Variants in RAPGEF4 observed in about 807,000 individuals in gnomAD.
RAPGEF4 encodes the protein Rap guanine nucleotide exchange factor 4.
In RAPGEF4, 66 loss-of-function variants were observed where a neutral mutation model predicts 147.9. That is an observed-to-expected ratio of 0.45 (90% CI 0.37 to 0.55). RAPGEF4 has a LOEUF of 0.55. RAPGEF4 is among the 20% of genes least tolerant of loss of function. The pLI is 0.00. For missense variants in RAPGEF4, 1,071 were observed against 1,257.3 expected (o/e 0.85, Z 2.24); for synonymous variants, 419 against 442.7 (o/e 0.95, Z 0.67).
At chr2:172,947,019 G>A (rs1165011229) in intron 6 of RAPGEF4, among the ~76,000 whole-genome samples, 1 of 152,150 alleles carries the variant, frequency 6.6e-6, no homozygotes, top group African/African-American at 2.4e-5. Context: ...TTAATACATT[G>A]CCTAAACGTA....
At chr2:172,961,417 C>T (rs1689280984) in intron 8 of RAPGEF4, among the ~76,000 whole-genome samples, 189 bp downstream of exon 8, 1 of 152,214 alleles carries the variant, frequency 6.6e-6, no homozygotes, top group South Asian at 2.1e-4. Context: ...ATATTCCTAG[C>T]ACCTCCTAAA....
chr2:172,890,679 A>C (rs1314776857), intron 4 of RAPGEF4, among the ~76,000 whole-genome samples: 1 of 152,222 alleles, frequency 6.6e-6, no homozygotes, highest in Non-Finnish European at 1.5e-5. Flanking sequence ...ATCTGCAAGA[A>C]GCAGGGAGGG....
chr2:172,853,979 T>C (rs1693142167), intron 4 of RAPGEF4, among the ~76,000 whole-genome samples: 1 of 152,128 alleles, frequency 6.6e-6, no homozygotes, highest in Non-Finnish European at 1.5e-5. Context: ...TAATAACTTA[T>C]ATTTCACTGT....
intron 17 of RAPGEF4, among the ~76,000 whole-genome samples, chr2:173,008,115 C>G (rs918412182): frequency 1.3e-5 from 2 of 152,108 alleles, no homozygotes; most frequent in Non-Finnish European, 2.9e-5. Flanking sequence ...CTCATGAGAT[C>G]TGATGGTTTT....
intron 3 of RAPGEF4, among the ~76,000 whole-genome samples, chr2:172,813,414 C>A (rs1005075806): frequency 5.3e-5 from 8 of 152,186 alleles, no homozygotes; most frequent in Non-Finnish European, 8.8e-5. Context: ...CCTTAAGAAA[C>A]TTTTAAATCA....
chr2:172,944,673 G>T (rs1313019333), intron 6 of RAPGEF4, among the ~76,000 whole-genome samples: 3 of 152,096 alleles, frequency 2.0e-5, no homozygotes, highest in Non-Finnish European at 2.9e-5. Flanking sequence ...TTAATCAAGG[G>T]GCTGTTGTAG....
At chr2:172,978,395 TC>T (rs1418597670) in intron 10 of RAPGEF4, among the ~76,000 whole-genome samples, 2 of 152,220 alleles carry the variant, frequency 1.3e-5, no homozygotes, top group Non-Finnish European at 2.9e-5. Context: ...AGAGCTGCCT[TC>T]TTCTCCTACT....
chr2:172,859,685 G>A (rs1693808794), intron 4 of RAPGEF4, among the ~76,000 whole-genome samples: 1 of 152,156 alleles, frequency 6.6e-6, no homozygotes, highest in Non-Finnish European at 1.5e-5. Flanking sequence ...AGAGTGCCCT[G>A]AAGGTAAAGT....
intron 1 of RAPGEF4, among the ~76,000 whole-genome samples, chr2:172,779,889 G>A (rs753267884): frequency 6.6e-6 from 1 of 152,140 alleles, no homozygotes; most frequent in African/African-American, 2.4e-5. Flanking sequence ...CTGGTAAACA[G>A]CAAAAATTAA....
intron 1 of RAPGEF4, among the ~76,000 whole-genome samples, chr2:172,775,438 T>C (rs1478470501): frequency 1.3e-5 from 2 of 152,224 alleles, no homozygotes; most frequent in South Asian, 2.1e-4. Context: ...AAAGAAAGAC[T>C]GTCAAATTGA....
chr2:172,908,298 G>A (rs147654780), intron 4 of RAPGEF4, among the ~76,000 whole-genome samples: 177 of 152,322 alleles, frequency 1.2e-3, no homozygotes, highest in African/African-American at 4.0e-3. Context: ...TGAGCTCCAG[G>A]AAGAGCTCCT....
intron 6 of RAPGEF4, among the ~76,000 whole-genome samples, chr2:172,957,696 A>G (rs1336274108): frequency 6.6e-6 from 1 of 152,186 alleles, no homozygotes; most frequent in Non-Finnish European, 1.5e-5. Context: ...TTCATTCATC[A>G]TGTTGCCCCT....
chr2:172,933,752 G>T (rs1471562633), intron 6 of RAPGEF4, among the ~76,000 whole-genome samples: 3 of 152,146 alleles, frequency 2.0e-5, no homozygotes, highest in Non-Finnish European at 4.4e-5. Context: ...TATGCTTTCA[G>T]GTTTCACCTT....
intron 1 of RAPGEF4, among the ~76,000 whole-genome samples, chr2:172,746,619 T>C (rs537493940): frequency 2.5e-4 from 35 of 140,208 alleles, no homozygotes; most frequent in African/African-American, 8.9e-4. Context: ...TACTTTTTTC[T>C]TTTTTTTTTT....
chr2:172,839,920 T>G (rs1691399330), intron 4 of RAPGEF4, among the ~76,000 whole-genome samples: 1 of 151,972 alleles, frequency 6.6e-6, no homozygotes, highest in African/African-American at 2.4e-5. Flanking sequence ...AAAGGCAGAG[T>G]ATCAATATAA....
At chr2:172,841,791 AACACACACACAC>A (rs3064818) in intron 4 of RAPGEF4, among the ~76,000 whole-genome samples, 3 of 147,006 alleles carry the variant, frequency 2.0e-5, no homozygotes, top group African/African-American at 7.5e-5. Context: ...TTGGCTGAAT[AACACACACACAC>A]ACACACACAC....
intron 2 of RAPGEF4, among the ~76,000 whole-genome samples, chr2:172,797,126 T>G (rs2149551596): frequency 6.6e-6 from 1 of 152,316 alleles, no homozygotes; most frequent in Middle Eastern, 3.4e-3. Context: ...ACAAAGCAGA[T>G]TTTGGTTTTT....
At chr2:172,796,044 C>G (rs560550793) in intron 2 of RAPGEF4, among the ~76,000 whole-genome samples, 1 of 152,174 alleles carries the variant, frequency 6.6e-6, no homozygotes, top group African/African-American at 2.4e-5. Context: ...GCATCACATG[C>G]CTAAGTCTAA....
intron 4 of RAPGEF4, among the ~76,000 whole-genome samples, chr2:172,832,394 G>A (rs989101091): frequency 5.3e-5 from 8 of 152,116 alleles, no homozygotes; most frequent in South Asian, 4.1e-4. Context: ...GGCCCAGTGC[G>A]AAATAAAAAT....
Sources: allele counts gnomAD v4.1 joint callset (sites outside exome capture counted in the v4.1 genomes callset), GRCh38; gene constraint gnomAD v4.1.1; transcripts MANE v1.5; gene names NCBI Gene and HGNC (gene_info 2026-07-23, HGNC 2026-07-21).